WWOX: variants seen among roughly 807,000 people sequenced by gnomAD.
WWOX encodes WW domain-containing oxidoreductase.
WWOX carries 69 observed loss-of-function variants against 46.2 expected under a neutral mutation model. The observed-to-expected ratio is 1.49, with a 90% confidence interval of 1.23 to 1.82. The LOEUF is 1.82. WWOX is among the 40% of genes most tolerant of loss of function. The pLI is 0.00. For missense variants in WWOX, 919 were observed against 542.6 expected, an observed-to-expected ratio of 1.69 and a Z score of -6.89; for synonymous variants, 359 against 202.6, an observed-to-expected ratio of 1.77 and a Z score of -6.56.
intron 8 of WWOX, among the ~76,000 whole-genome samples, chr16:78,945,350 T>A (rs2045928785): frequency 6.6e-6 from 1 of 152,320 alleles, no homozygotes; most frequent in African/African-American, 2.4e-5. Context: ...TCTCAAACTT[T>A]ACAATAAGAA....
chr16:78,889,232 A>C (rs1439811328), intron 8 of WWOX, among the ~76,000 whole-genome samples: 1 of 152,154 alleles, frequency 6.6e-6, no homozygotes, highest in Non-Finnish European at 1.5e-5. Flanking sequence ...AATTTTATTA[A>C]AATACAGCTC....
intron 8 of WWOX, among the ~76,000 whole-genome samples, chr16:78,615,837 G>A (rs1464918187): frequency 2.6e-5 from 4 of 150,994 alleles, no homozygotes; most frequent in Admixed American, 6.6e-5. Flanking sequence ...TGTAAGCTCC[G>A]CCTCCCGAGT....
At chr16:78,824,578 C>A (rs1354600651) in intron 8 of WWOX, among the ~76,000 whole-genome samples, 1 of 152,064 alleles carries the variant, frequency 6.6e-6, no homozygotes, top group East Asian at 1.9e-4. Flanking sequence ...TACAGTTCCG[C>A]ACGGCTGGGG....
intron 8 of WWOX, among the ~76,000 whole-genome samples, chr16:78,736,840 C>T (rs1355643395): frequency 6.6e-6 from 1 of 152,104 alleles, no homozygotes; most frequent in Non-Finnish European, 1.5e-5. Context: ...AACTCCTGGG[C>T]TCATACAATT....
At chr16:78,970,455 C>T (rs188928674) in intron 8 of WWOX, among the ~76,000 whole-genome samples, 1 of 152,316 alleles carries the variant, frequency 6.6e-6, no homozygotes, top group Admixed American at 6.5e-5. Context: ...TGAGCGATCA[C>T]AGTTTATTTG....
intron 8 of WWOX, among the ~76,000 whole-genome samples, chr16:78,676,470 C>A (rs2047603031): frequency 6.6e-6 from 1 of 151,288 alleles, no homozygotes; most frequent in Non-Finnish European, 1.5e-5. Context: ...CTAAAAAGCT[C>A]CCCACCCCCA....
chr16:78,522,372 A>C (rs2043367673), intron 8 of WWOX, among the ~76,000 whole-genome samples: 2 of 152,166 alleles, frequency 1.3e-5, no homozygotes, highest in Non-Finnish European at 2.9e-5. Context: ...TTCTGAGGCC[A>C]AGCCTTTTCC....
intron 8 of WWOX, among the ~76,000 whole-genome samples, chr16:78,760,444 A>G (rs1354262062): frequency 6.6e-6 from 1 of 152,190 alleles, no homozygotes; most frequent in African/African-American, 2.4e-5. Flanking sequence ...TGATTTTATC[A>G]TGCAAGGTAG....
At chr16:78,205,120 A>C (rs749222190) in intron 5 of WWOX, among the ~76,000 whole-genome samples, 1 of 152,212 alleles carries the variant, frequency 6.6e-6, no homozygotes. Context: ...TGGATATTAA[A>C]GAACTCTGTG....
In WWOX at chr16:78,695,674, G is replaced by C. The variant is rs181225801; in HGVS notation, c.1056+262922G>C. On this transcript the variant is annotated intron_variant, in intron 8 of 8. Transcript: ENST00000566780. ...ATAAAACTGTGTATTCCAAATCAGA[G>C]GGGCAATGCAGGAATGGATCAAAGG... is the stretch of plus-strand genomic sequence containing the variant. Among the ~76,000 whole-genome samples, 392 of 152,314 alleles carry C rather than the reference G, an allele frequency of 2.6e-3. 2 individuals carry two copies. Among genetic ancestry groups the C allele is most frequent in the South Asian group, 6.8e-3 (33 of 4,830 alleles).
intron 8 of WWOX, among the ~76,000 whole-genome samples, chr16:78,803,896 A>C (rs1206488820): frequency 6.6e-6 from 1 of 152,088 alleles, no homozygotes; most frequent in Non-Finnish European, 1.5e-5. Flanking sequence ...AATAACCATC[A>C]CCAGACAAAC....
intron 8 of WWOX, among the ~76,000 whole-genome samples, chr16:79,065,950 C>T (rs1218840643): frequency 6.6e-6 from 1 of 152,194 alleles, no homozygotes; most frequent in African/African-American, 2.4e-5. Context: ...TAGAAAGTTT[C>T]ATTAGCTCAT....
chr16:78,819,599 GCAAGGAGCAGCACCT>G (rs377760101), intron 8 of WWOX, among the ~76,000 whole-genome samples: 6,643 of 152,248 alleles, frequency 0.044, 186 homozygotes, highest in Non-Finnish European at 0.063. Context: ...GCCCTGTTTT[GCAAGGAGCAGCACCT>G]CTGCTCCTGT....
At chr16:78,452,536 G>A (rs1423172226) in intron 8 of WWOX, among the ~76,000 whole-genome samples, 1 of 146,590 alleles carries the variant, frequency 6.8e-6, no homozygotes, top group Non-Finnish European at 1.5e-5. Context: ...GAGTGCAGTG[G>A]CGGATCTTGG....
At chr16:78,412,641 A>G (rs1427405243) in intron 6 of WWOX, among the ~76,000 whole-genome samples, 1 of 152,170 alleles carries the variant, frequency 6.6e-6, no homozygotes, top group Non-Finnish European at 1.5e-5. Flanking sequence ...GTGAGCCAGA[A>G]GTGAGGGAGG....
At chr16:79,075,716 C>G (rs568981542) in intron 8 of WWOX, among the ~76,000 whole-genome samples, 1 of 152,138 alleles carries the variant, frequency 6.6e-6, no homozygotes, top group South Asian at 2.1e-4. Flanking sequence ...CCACACCTGG[C>G]TACTTTTTGT....
At chr16:78,245,588 A>C (rs1385365160) in intron 5 of WWOX, among the ~76,000 whole-genome samples, 1 of 152,190 alleles carries the variant, frequency 6.6e-6, no homozygotes, top group Non-Finnish European at 1.5e-5. Context: ...AGATGGGCCA[A>C]ATAACCAGCT....
chr16:78,827,743 A>G (rs1193759485), intron 8 of WWOX, among the ~76,000 whole-genome samples: 1 of 152,046 alleles, frequency 6.6e-6, no homozygotes, highest in African/African-American at 2.4e-5. Flanking sequence ...TGGGAGGCTA[A>G]GGCAGGAGAA....
At chr16:78,928,606 A>G (rs1043485253) in intron 8 of WWOX, among the ~76,000 whole-genome samples, 29 of 152,166 alleles carry the variant, frequency 1.9e-4, no homozygotes, top group African/African-American at 6.5e-4. Context: ...TTGTAAATAC[A>G]CTTTCTAAAT....
Sources: gnomAD v4.1 joint callset for allele counts (sites outside exome capture counted in the v4.1 genomes callset) on GRCh38, gnomAD v4.1.1 for gene constraint, MANE v1.5 for transcripts, NCBI Gene and HGNC (gene_info 2026-07-23, HGNC 2026-07-21) for gene names.